Variants in KCNQ3 observed in about 807,000 individuals in gnomAD.
KCNQ3 encodes the protein potassium voltage-gated channel subfamily KQT member 3.
Under a neutral mutation model 92.5 loss-of-function variants are expected in KCNQ3, and 30 were observed. The observed-to-expected ratio is 0.32, with a 90% CI of 0.24 to 0.44. The LOEUF is 0.44. KCNQ3 is among the 20% of genes least tolerant of loss of function. KCNQ3 has a pLI of 1.00. For synonymous variants in KCNQ3, 450 were observed against 468.8 expected (o/e 0.96, Z 0.52); for missense variants, 913 against 1,140.3 (o/e 0.80, Z 2.87).
At chr8:132,160,928 T>C (rs541035004) in intron 9 of KCNQ3, among the ~76,000 whole-genome samples, 1 of 152,112 alleles carries the variant, frequency 6.6e-6, no homozygotes, top group Non-Finnish European at 1.5e-5. Flanking sequence ...GCATCATGAG[T>C]TGGGCATCTA....
intron 1 of KCNQ3, among the ~76,000 whole-genome samples, chr8:132,370,294 C>T (rs1455855562): frequency 1.3e-5 from 2 of 151,884 alleles, no homozygotes; most frequent in Non-Finnish European, 1.5e-5. Flanking sequence ...GTGCTCAATG[C>T]GTGCCTGCTA....
At chr8:132,404,571 A>C (rs772463169) in intron 1 of KCNQ3, among the ~76,000 whole-genome samples, 3 of 152,224 alleles carry the variant, frequency 2.0e-5, no homozygotes, top group Non-Finnish European at 4.4e-5. Context: ...AGACAATTCC[A>C]GTCTTCCCTT....
chr8:132,434,302 TCTC>T (rs1821336346), intron 1 of KCNQ3, among the ~76,000 whole-genome samples: 1 of 152,170 alleles, frequency 6.6e-6, no homozygotes. Flanking sequence ...CCATCATCCA[TCTC>T]CTCCTCTGTT....
chr8:132,430,790 G>T (rs536417033), intron 1 of KCNQ3, among the ~76,000 whole-genome samples: 8 of 152,268 alleles, frequency 5.3e-5, no homozygotes, highest in African/African-American at 1.4e-4. Context: ...ACTCTCAAAA[G>T]CTAATAAATG....
intron 1 of KCNQ3, among the ~76,000 whole-genome samples, chr8:132,293,989 G>T (rs1393598928): frequency 1.5e-5 from 2 of 136,494 alleles, no homozygotes; most frequent in African/African-American, 2.9e-5. Flanking sequence ...AGGGTTTTTT[G>T]TGTGTGTGTG....
At chr8:132,153,924 T>C (rs948610390) in intron 9 of KCNQ3, among the ~76,000 whole-genome samples, 3 of 152,122 alleles carry the variant, frequency 2.0e-5, no homozygotes, top group African/African-American at 7.2e-5. Context: ...TCTTTCTAGA[T>C]GAGTAGCCAT....
chr8:132,276,865 A>G (rs929241861), intron 1 of KCNQ3, among the ~76,000 whole-genome samples: 1 of 152,190 alleles, frequency 6.6e-6, no homozygotes, highest in African/African-American at 2.4e-5. Flanking sequence ...AATGCCAGTA[A>G]TAATAACACC....
intron 1 of KCNQ3, among the ~76,000 whole-genome samples, chr8:132,374,266 T>C (rs998550279): frequency 2.0e-5 from 3 of 152,132 alleles, no homozygotes; most frequent in African/African-American, 7.2e-5. Context: ...CCCTTTCTCA[T>C]GGTGATGTTG....
intron 1 of KCNQ3, among the ~76,000 whole-genome samples, chr8:132,432,974 G>A (rs1178942509): frequency 6.6e-6 from 1 of 152,146 alleles, no homozygotes; most frequent in Admixed American, 6.5e-5. Flanking sequence ...GCCAAATTCT[G>A]GGTTAGATAA....
At chr8:132,160,909 T>C (rs776310378) in intron 9 of KCNQ3, among the ~76,000 whole-genome samples, 25 of 152,180 alleles carry the variant, frequency 1.6e-4, no homozygotes, top group Non-Finnish European at 2.4e-4. Flanking sequence ...TTCTGAGTCC[T>C]ACCTCAGGGC....
chr8:132,341,320 G>T (rs563375600), intron 1 of KCNQ3, among the ~76,000 whole-genome samples: 1 of 152,300 alleles, frequency 6.6e-6, no homozygotes, highest in Admixed American at 6.5e-5. Flanking sequence ...CTTCAAGTTA[G>T]ATAAGGAGTT....
chr8:132,141,633 A>G (rs922639721), intron 9 of KCNQ3, among the ~76,000 whole-genome samples: 1 of 152,208 alleles, frequency 6.6e-6, no homozygotes, highest in Non-Finnish European at 1.5e-5. Flanking sequence ...AGTATGCTGC[A>G]GAGATTCATC....
intron 1 of KCNQ3, among the ~76,000 whole-genome samples, chr8:132,407,013 G>T (rs1234789457): frequency 6.6e-6 from 1 of 152,218 alleles, no homozygotes; most frequent in Non-Finnish European, 1.5e-5. Flanking sequence ...GTGCCCCAAG[G>T]CTGGGCACCT....
intron 1 of KCNQ3, among the ~76,000 whole-genome samples, chr8:132,384,334 C>A (rs970400769): frequency 6.6e-6 from 1 of 152,130 alleles, no homozygotes; most frequent in East Asian, 1.9e-4. Context: ...GATGAATGAG[C>A]GATTTCTTCA....
intron 1 of KCNQ3, among the ~76,000 whole-genome samples, chr8:132,344,609 AT>A (rs1427924092): frequency 1.6e-4 from 24 of 152,368 alleles, no homozygotes; most frequent in Non-Finnish European, 2.9e-4. Context: ...TCACACACTC[AT>A]CACGGTGGAA....
At chr8:132,170,544 A>G in intron 7 of KCNQ3, 116 bp from the exon 8 acceptor site, 1 of 723,590 alleles carries the variant, frequency 1.4e-6, no homozygotes, top group Non-Finnish European at 2.5e-6. Context: ...TTGAATGTGC[A>G]TTGAGCCAAC....
At chr8:132,392,863 C>A (rs1482385438) in intron 1 of KCNQ3, among the ~76,000 whole-genome samples, 1 of 147,974 alleles carries the variant, frequency 6.8e-6, no homozygotes, top group Non-Finnish European at 1.5e-5. Flanking sequence ...CTTACCATAT[C>A]ATATTTTAGT....
chr8:132,363,640 T>C (rs1428705745), intron 1 of KCNQ3, among the ~76,000 whole-genome samples: 1 of 152,010 alleles, frequency 6.6e-6, no homozygotes, highest in Admixed American at 6.6e-5. Context: ...TCTGATTCTG[T>C]AGTACGCTGT....
At chr8:132,187,122 G>C (rs1294363460) in intron 1 of KCNQ3, 3 of 455,188 alleles carry the variant, frequency 6.6e-6, no homozygotes, top group Admixed American at 4.7e-5. Flanking sequence ...AGGGTTTATG[G>C]GTGAAGCTTG....
Sources: gnomAD v4.1 joint callset for allele counts (sites outside exome capture counted in the v4.1 genomes callset) on GRCh38, gnomAD v4.1.1 for gene constraint, MANE v1.5 for transcripts, NCBI Gene and HGNC (gene_info 2026-07-23, HGNC 2026-07-21) for gene names.